Variants in SAMD12 observed in about 807,000 individuals in gnomAD.
SAMD12 encodes the protein sterile alpha motif domain containing 12.
Under a neutral mutation model 15.0 loss-of-function variants are expected in SAMD12, and 9 were observed. The observed-to-expected ratio is 0.60, with a 90% CI of 0.36 to 1.05. The LOEUF is 1.05. SAMD12 is among the 50% of genes least tolerant of loss of function. SAMD12 has a pLI of 0.01. For missense variants in SAMD12, 230 were observed against 234.2 expected (o/e 0.98, Z 0.12); for synonymous variants, 86 against 90.1 (o/e 0.96, Z 0.25).
At chr8:118,595,434 T>C (rs1422602102) in intron 1 of SAMD12, among the ~76,000 whole-genome samples, 4 of 152,210 alleles carry the variant, frequency 2.6e-5, no homozygotes, top group Admixed American at 6.5e-5. Flanking sequence ...TTTCTAAAGA[T>C]GCTTCCAGTC....
intron 4 of SAMD12, chr8:118,288,338 T>C (rs1453516455): frequency 1.3e-5 from 2 of 152,220 alleles, no homozygotes; most frequent in African/African-American, 4.8e-5. Context: ...AATAAAGCTT[T>C]TTTTATGCCA....
chr8:118,421,972 G>A (rs1822016958), intron 3 of SAMD12, among the ~76,000 whole-genome samples: 3 of 152,186 alleles, frequency 2.0e-5, no homozygotes, highest in South Asian at 4.1e-4. Context: ...GTTTCTCCAA[G>A]AACAAGACAG....
intron 2 of SAMD12, among the ~76,000 whole-genome samples, chr8:118,450,213 C>T (rs141398023): frequency 1.7e-3 from 255 of 152,318 alleles, no homozygotes; most frequent in Non-Finnish European, 1.8e-3. Flanking sequence ...TGCTGGGCAT[C>T]AGGGTGTCTA....
chr8:118,459,751 G>A (rs1195487306), intron 2 of SAMD12, among the ~76,000 whole-genome samples: 1 of 152,164 alleles, frequency 6.6e-6, no homozygotes, highest in African/African-American at 2.4e-5. Context: ...GTTAGGTACC[G>A]TTCTCTGTAG....
intron 4 of SAMD12, among the ~76,000 whole-genome samples, chr8:118,262,900 T>C (rs1813113126): frequency 6.6e-6 from 1 of 152,114 alleles, no homozygotes; most frequent in African/African-American, 2.4e-5. Context: ...CAAATAACTT[T>C]AACCCAAGAT....
At chr8:118,597,407 A>T (rs1206136555) in intron 1 of SAMD12, among the ~76,000 whole-genome samples, 5 of 152,180 alleles carry the variant, frequency 3.3e-5, no homozygotes, top group African/African-American at 1.2e-4. Flanking sequence ...TAGTGACAAA[A>T]CTCTGGTAAT....
At chr8:118,549,031 G>A (rs1450206923) in intron 2 of SAMD12, among the ~76,000 whole-genome samples, 1 of 152,266 alleles carries the variant, frequency 6.6e-6, no homozygotes, top group Non-Finnish European at 1.5e-5. Context: ...CAGGAAGCTG[G>A]AACTGGGTGG....
chr8:118,506,223 G>A (rs1824916188), intron 2 of SAMD12, among the ~76,000 whole-genome samples: 1 of 152,046 alleles, frequency 6.6e-6, no homozygotes, highest in Admixed American at 6.6e-5. Context: ...TCTACTTTTG[G>A]TTATATCTAC....
chr8:118,313,933 G>A (rs926524948), intron 4 of SAMD12, among the ~76,000 whole-genome samples: 2 of 151,284 alleles, frequency 1.3e-5, no homozygotes, highest in Non-Finnish European at 3.0e-5. Flanking sequence ...GAGATGGGGG[G>A]ATCTCATGCT....
intron 2 of SAMD12, among the ~76,000 whole-genome samples, chr8:118,537,705 C>G (rs1825883446): frequency 6.6e-6 from 1 of 152,120 alleles, no homozygotes; most frequent in East Asian, 1.9e-4. Flanking sequence ...CTGTATATGG[C>G]TGAGTTTCCT....
At chr8:118,140,715 C>T in the SAMD12 span, among the ~76,000 whole-genome samples, 1 of 152,310 alleles carries the variant, frequency 6.6e-6, no homozygotes, top group South Asian at 2.1e-4. Context: ...CATTTTCTAG[C>T]CTCTTTTGCA....
In SAMD12 at chr8:118,358,544, T is replaced by G. The variant is rs145069894; in HGVS notation, c.433+21016A>C. On this transcript the variant is annotated intron_variant, in intron 4 of 4. Coordinates refer to the SAMD12 transcript ENST00000409003. ...TCATTCCTAACTTCCTACTTACCAT[T>G]ATCTTCTGCTTCTTTAGCCATTACT... Among the ~76,000 whole-genome samples the G allele has an allele frequency of 5.3e-4, 80 of 152,316 alleles. No homozygotes were observed. In the South Asian group the frequency reaches 0.013, roughly 26 times the overall value.
intron 4 of SAMD12, among the ~76,000 whole-genome samples, chr8:118,203,198 T>C (rs961718860): frequency 2.0e-5 from 3 of 152,158 alleles, no homozygotes; most frequent in Admixed American, 2.0e-4. Context: ...ATAAAAGAAT[T>C]CTCATCAAAC....
intron 4 of SAMD12, among the ~76,000 whole-genome samples, chr8:118,252,832 A>G (rs940500065): frequency 6.6e-6 from 1 of 152,154 alleles, no homozygotes; most frequent in African/African-American, 2.4e-5. Flanking sequence ...ATCTAAGTCA[A>G]CTGTGGGGGA....
At chr8:118,279,067 T>TAA (rs1813542359) in intron 4 of SAMD12, among the ~76,000 whole-genome samples, 6 of 152,162 alleles carry the variant, frequency 3.9e-5, no homozygotes, top group Admixed American at 3.9e-4. Flanking sequence ...GGAAAAAAAT[T>TAA]ACACAATTCA....
chr8:118,202,532 A>G (rs975550466), intron 4 of SAMD12, among the ~76,000 whole-genome samples: 2 of 152,214 alleles, frequency 1.3e-5, no homozygotes, highest in Non-Finnish European at 2.9e-5. Context: ...GCTTGGCAAA[A>G]GGTTCAATAA....
intron 3 of SAMD12, among the ~76,000 whole-genome samples, chr8:118,415,451 GTGT>G (rs1563842927): frequency 9.0e-6 from 1 of 111,576 alleles, no homozygotes; most frequent in Non-Finnish European, 1.9e-5. Flanking sequence ...GTCCTAAGGT[GTGT>G]GTGTGTGTGT....
chr8:118,348,539 T>C (rs974731022), intron 4 of SAMD12, among the ~76,000 whole-genome samples: 4 of 152,028 alleles, frequency 2.6e-5, no homozygotes, highest in Non-Finnish European at 4.4e-5. Flanking sequence ...GCCCAGCTAA[T>C]TTTTTTGTGT....
intron 2 of SAMD12, among the ~76,000 whole-genome samples, chr8:118,500,625 T>C (rs936410656): frequency 7.2e-5 from 11 of 151,922 alleles, no homozygotes; most frequent in East Asian, 2.0e-4. Flanking sequence ...GGTTACCATA[T>C]TGAAACACCG....
Sources: allele counts gnomAD v4.1 joint callset (sites outside exome capture counted in the v4.1 genomes callset), GRCh38; gene constraint gnomAD v4.1.1; transcripts MANE v1.5; gene names NCBI Gene and HGNC (gene_info 2026-07-23, HGNC 2026-07-21).